Variants in CSNK2A2IP observed in about 807,000 individuals in gnomAD.
CSNK2A2IP encodes the protein casein kinase II subunit alpha'-interacting protein.
At chr3:88,466,731 G>C in the CSNK2A2IP span, 1 of 980,768 alleles carries the variant, frequency 1.0e-6, no homozygotes, top group Non-Finnish European at 1.3e-6. Context: ...GAAGGATGAG[G>C]GGAAGGCCAA....
At chr3:88,438,739 G>A in the CSNK2A2IP span, among the ~76,000 whole-genome samples, 1 of 152,110 alleles carries the variant, frequency 6.6e-6, no homozygotes, top group Non-Finnish European at 1.5e-5. Context: ...ACTAGACAGT[G>A]TTCCCTTCAG....
chr3:88,348,344 G>A, the CSNK2A2IP span, among the ~76,000 whole-genome samples: 180 of 152,080 alleles, frequency 1.2e-3, 3 homozygotes, highest in East Asian at 0.028. Context: ...TATCAAGTGA[G>A]ACACTCATCT....
At chr3:88,459,253 C>T in the CSNK2A2IP span, among the ~76,000 whole-genome samples, 440 of 152,178 alleles carry the variant, frequency 2.9e-3, 3 homozygotes, top group African/African-American at 9.9e-3. Flanking sequence ...AACTTTCAAG[C>T]ACCCTCTCAT....
chr3:88,414,526 C>A, the CSNK2A2IP span, among the ~76,000 whole-genome samples: 29 of 151,830 alleles, frequency 1.9e-4, 1 homozygote, highest in African/African-American at 6.1e-4. Context: ...CATGATCCAC[C>A]TGCCTTTGCC....
At chr3:88,446,102 T>TTTCTTTCTTTC in the CSNK2A2IP span, among the ~76,000 whole-genome samples, 4 of 116,642 alleles carry the variant, frequency 3.4e-5, no homozygotes, top group African/African-American at 1.4e-4. Context: ...TTCTTTCTTT[T>TTTCTTTCTTTC]TTTCTTTCTT....
the CSNK2A2IP span, among the ~76,000 whole-genome samples, chr3:88,359,956 G>T: frequency 6.6e-6 from 1 of 151,952 alleles, no homozygotes; most frequent in Non-Finnish European, 1.5e-5. Flanking sequence ...GCTGAAAGTT[G>T]GGTGTTGAAG....
At chr3:88,415,620 G>A in the CSNK2A2IP span, among the ~76,000 whole-genome samples, 5 of 151,978 alleles carry the variant, frequency 3.3e-5, no homozygotes, top group African/African-American at 4.8e-5. Flanking sequence ...GAAAGAGAGA[G>A]AAGCCCCTAT....
At chr3:88,372,512 A>T in the CSNK2A2IP span, among the ~76,000 whole-genome samples, 2 of 151,502 alleles carry the variant, frequency 1.3e-5, no homozygotes, top group African/African-American at 4.8e-5. Context: ...ACACAAGAAA[A>T]GTTAAGTTAT....
chr3:88,359,114 C>A, the CSNK2A2IP span, among the ~76,000 whole-genome samples: 1 of 151,394 alleles, frequency 6.6e-6, no homozygotes, highest in Non-Finnish European at 1.5e-5. Flanking sequence ...TTTTCAGATT[C>A]GTATTTTTCA....
chr3:88,391,352 G>C, the CSNK2A2IP span, among the ~76,000 whole-genome samples: 4,594 of 152,184 alleles, frequency 0.03, 435 homozygotes, highest in Admixed American at 0.2. Flanking sequence ...AACCTACTCT[G>C]TGCTACACAA....
chr3:88,379,832 T>C, the CSNK2A2IP span, among the ~76,000 whole-genome samples: 1 of 152,128 alleles, frequency 6.6e-6, no homozygotes, highest in African/African-American at 2.4e-5. Context: ...TGCTTTGTAG[T>C]GCAGGCTATT....
At chr3:88,350,914 A>G in the CSNK2A2IP span, among the ~76,000 whole-genome samples, 3 of 152,114 alleles carry the variant, frequency 2.0e-5, no homozygotes, top group African/African-American at 7.2e-5. Flanking sequence ...GTAGACATGC[A>G]CACTCACATT....
chr3:88,341,392 A>T, the CSNK2A2IP span, among the ~76,000 whole-genome samples: 1 of 151,756 alleles, frequency 6.6e-6, no homozygotes, highest in Non-Finnish European at 1.5e-5. Flanking sequence ...TAACCTTAGC[A>T]TCCTAGATTT....
At chr3:88,384,625 A>G in the CSNK2A2IP span, among the ~76,000 whole-genome samples, 1 of 152,204 alleles carries the variant, frequency 6.6e-6, no homozygotes, top group Non-Finnish European at 1.5e-5. Context: ...ACCACTTCAT[A>G]CAAGGAAGTG....
the CSNK2A2IP span, among the ~76,000 whole-genome samples, chr3:88,362,805 T>C: frequency 1.3e-5 from 2 of 152,206 alleles, no homozygotes; most frequent in African/African-American, 4.8e-5. Flanking sequence ...TAGTGCTTTA[T>C]TTTAACGTGG....
the CSNK2A2IP span, among the ~76,000 whole-genome samples, chr3:88,420,116 A>G: frequency 6.6e-6 from 1 of 152,174 alleles, no homozygotes; most frequent in East Asian, 1.9e-4. Context: ...ATATCTCTCC[A>G]GGTGATTCCA....
chr3:88,466,296 G>T, the CSNK2A2IP span: 5 of 1,231,556 alleles, frequency 4.1e-6, no homozygotes, highest in Non-Finnish European at 5.1e-6. Flanking sequence ...ACCCATCTGA[G>T]AATTTACCAT....
At chr3:88,363,296 A>C in the CSNK2A2IP span, among the ~76,000 whole-genome samples, 1 of 152,004 alleles carries the variant, frequency 6.6e-6, no homozygotes, top group East Asian at 1.9e-4. Flanking sequence ...ATATTCTCAA[A>C]TGTACTAATC....
chr3:88,442,478 A>C, the CSNK2A2IP span, among the ~76,000 whole-genome samples: 1 of 152,214 alleles, frequency 6.6e-6, no homozygotes, highest in Non-Finnish European at 1.5e-5. Flanking sequence ...ATGAGAGAGG[A>C]ATCCACATAA....
Sources: allele counts gnomAD v4.1 joint callset (sites outside exome capture counted in the v4.1 genomes callset), GRCh38; gene constraint gnomAD v4.1.1; transcripts MANE v1.5; gene names NCBI Gene and HGNC (gene_info 2026-07-23, HGNC 2026-07-21).